The following ASIC2 variants were observed in gnomAD, a reference collection of about 807,000 sequenced individuals.
ASIC2 encodes the protein acid sensing ion channel subunit 2, also known as acid-sensing ion channel 2.
ASIC2 carries 25 observed loss-of-function variants against 57.3 expected under a neutral mutation model. The observed-to-expected ratio is 0.44, with a 90% CI of 0.32 to 0.61. The LOEUF is 0.61. Ranked by LOEUF, ASIC2 falls within the 20% of genes least tolerant of loss-of-function variation. ASIC2 has a pLI of 0.06. For synonymous variants in ASIC2, 319 were observed against 307.5 expected, an observed-to-expected ratio of 1.04 and a Z score of -0.39; for missense variants, 641 against 738.1, an observed-to-expected ratio of 0.87 and a Z score of 1.52.
At chr17:34,106,299 T>C (rs563453701) in intron 1 of ASIC2, among the ~76,000 whole-genome samples, 87 of 152,286 alleles carry the variant, frequency 5.7e-4, no homozygotes, top group African/African-American at 2.1e-3. Context: ...GTTATTGATA[T>C]TTCTCTTTTA....
rs117613013 is a variant in ASIC2 at position 33,586,827 on chromosome 17, C to T, written c.556-474760G>A. 3.6e-3 allele frequency among the ~76,000 whole-genome samples: 543 copies of T among 152,282 alleles called. 3 individuals are homozygous for T. The highest frequency in any genetic ancestry group is 6.2e-3 in the South Asian group (30 of 4,822). Reference sequence around the variant, plus strand: ...TGCTACTTACATCCAGCATTTACCACGATCTGCAATTATCTTCTTTATTTT... The same window carrying T: ...TGCTACTTACATCCAGCATTTACCATGATCTGCAATTATCTTCTTTATTTT... On this transcript the variant is annotated intron_variant, in intron 1 of 9. Coordinates refer to the ASIC2 transcript ENST00000359872.
At position 33,104,105 on chromosome 17, in the gene ASIC2, G is replaced by A. The variant is rs116233150; in HGVS notation, c.859+7812C>T. ...TAATCTGCCAAGTCGATTGCCACTC[G>A]TCCATCTACTTTACATCTTCCAAAA... On this transcript the variant is annotated intron_variant, in intron 2 of 9. Coordinates refer to ENST00000225823, the MANE Select transcript of ASIC2 (RefSeq NM_183377.2). 6.4e-3 allele frequency among the ~76,000 whole-genome samples: 972 copies of A among 152,096 alleles called. 13 individuals are homozygous for A. The highest frequency in any genetic ancestry group is 0.019 in the African/African-American group (790 of 41,458).
Position 33,146,931 on chromosome 17 carries a change from G to A in ASIC2, c.709-34864C>T, listed in dbSNP as rs141224947. On this transcript the variant is annotated intron_variant, in intron 1 of 9. Coordinates refer to ENST00000225823, the MANE Select transcript of ASIC2 (RefSeq NM_183377.2). ...CAAACCCAACCTGAGCCACTTTCCT[G>A]TGCTAATGTCAATCAACGGGTCAAA... Among the ~76,000 whole-genome samples the A allele has an allele frequency of 5.9e-5, 9 of 152,312 alleles. No homozygotes were observed. The East Asian group carries it at 1.7e-3, about 29-fold the overall frequency.
At chr17:33,161,963 A>G (rs536773501) in intron 1 of ASIC2, among the ~76,000 whole-genome samples, 4 of 149,736 alleles carry the variant, frequency 2.7e-5, no homozygotes, top group African/African-American at 9.8e-5. Flanking sequence ...AGCATAAGGT[A>G]AAGACACTAG....
rs1910902003 is a variant in ASIC2, at chr17:34,102,471, C to T, written c.555+53507G>A. On this transcript the variant is annotated intron_variant, in intron 1 of 9. Coordinates refer to the ASIC2 transcript ENST00000359872. Reference sequence around the variant, plus strand: ...CCTCCTTTGCTGAAACTCCTCTTCCCCTCCTGCCACCTCACACCCCAGAAA... The same window carrying T: ...CCTCCTTTGCTGAAACTCCTCTTCCTCTCCTGCCACCTCACACCCCAGAAA... 2.0e-5 allele frequency among the ~76,000 whole-genome samples: 3 copies of T among 152,284 alleles called. No individual in the cohort carries two copies. In the South Asian group the frequency reaches 6.2e-4, roughly 32 times the overall value.
At chr17:33,928,027 A>C (rs1354559315) in intron 1 of ASIC2, among the ~76,000 whole-genome samples, 1 of 152,208 alleles carries the variant, frequency 6.6e-6, no homozygotes, top group Non-Finnish European at 1.5e-5. Context: ...GAGTGACAGC[A>C]GGCAAACAGT....
chr17:34,133,995 C>T (rs962159652), intron 1 of ASIC2, among the ~76,000 whole-genome samples: 2 of 152,144 alleles, frequency 1.3e-5, no homozygotes, highest in Non-Finnish European at 2.9e-5. Flanking sequence ...AGTTCCAAGA[C>T]TGAAAAACCC....
At chr17:34,091,872 C>A (rs1910345219) in intron 1 of ASIC2, among the ~76,000 whole-genome samples, 1 of 152,164 alleles carries the variant, frequency 6.6e-6, no homozygotes, top group Non-Finnish European at 1.5e-5. Flanking sequence ...TTATTAGCTA[C>A]ATGACCTTGA....
chr17:33,993,722 AG>A (rs1222488508), intron 1 of ASIC2, among the ~76,000 whole-genome samples: 6 of 108,754 alleles, frequency 5.5e-5, no homozygotes, highest in African/African-American at 4.4e-4. Context: ...TGGAAGTGGG[AG>A]AGAACTGAAC....
At chr17:34,113,310 T>G (rs765156130) in intron 1 of ASIC2, among the ~76,000 whole-genome samples, 84 of 152,246 alleles carry the variant, frequency 5.5e-4, no homozygotes, top group Non-Finnish European at 8.7e-4. Context: ...CCTGTAATCC[T>G]AGAACTTTGG....
At chr17:33,356,871 C>T (rs904860704) in intron 1 of ASIC2, among the ~76,000 whole-genome samples, 2 of 152,076 alleles carry the variant, frequency 1.3e-5, no homozygotes, top group Admixed American at 1.3e-4. Context: ...ACTGCTGCTG[C>T]TGCATGAAGA....
chr17:33,637,196 G>A (rs1346700758), intron 1 of ASIC2, among the ~76,000 whole-genome samples: 1 of 152,064 alleles, frequency 6.6e-6, no homozygotes, highest in African/African-American at 2.4e-5. Context: ...ACTGCCTGAG[G>A]TAGCAAGGAG....
chr17:33,305,208 C>G (rs1434290724), intron 1 of ASIC2, among the ~76,000 whole-genome samples: 1 of 152,150 alleles, frequency 6.6e-6, no homozygotes, highest in Non-Finnish European at 1.5e-5. Flanking sequence ...AAGGAAGAAT[C>G]AGGCTCAGAG....
intron 1 of ASIC2, among the ~76,000 whole-genome samples, chr17:34,028,655 A>T (rs989207472): frequency 1.3e-5 from 2 of 152,218 alleles, no homozygotes; most frequent in Non-Finnish European, 2.9e-5. Flanking sequence ...CTGGAGTCAT[A>T]AAATATTGGA....
chr17:33,804,148 A>G (rs765567776), intron 1 of ASIC2, among the ~76,000 whole-genome samples: 15 of 152,202 alleles, frequency 9.9e-5, no homozygotes, highest in Admixed American at 5.9e-4. Context: ...CCTAAGATCT[A>G]AATAAACAAA....
At chr17:33,390,692 A>AG (rs1210041922) in intron 1 of ASIC2, among the ~76,000 whole-genome samples, 2 of 152,220 alleles carry the variant, frequency 1.3e-5, no homozygotes, top group African/African-American at 2.4e-5. Flanking sequence ...CTCTGCCGCT[A>AG]GGACCTCTCC....
chr17:33,384,072 A>C (rs921638145), intron 1 of ASIC2, among the ~76,000 whole-genome samples: 3 of 152,178 alleles, frequency 2.0e-5, no homozygotes, highest in Non-Finnish European at 4.4e-5. Flanking sequence ...GTCTGTCAGC[A>C]CCTGGAATGG....
chr17:34,121,137 G>A (rs148310108), intron 1 of ASIC2, among the ~76,000 whole-genome samples: 1 of 152,224 alleles, frequency 6.6e-6, no homozygotes, highest in East Asian at 1.9e-4. Context: ...ATAAGCCAAG[G>A]AACTCCAAGG....
intron 1 of ASIC2, among the ~76,000 whole-genome samples, chr17:33,601,912 G>A (rs774588162): frequency 3.3e-5 from 5 of 152,218 alleles, no homozygotes; most frequent in African/African-American, 7.2e-5. Context: ...ACCTACTAGA[G>A]ACCAGTTACC....
Sources: gnomAD v4.1 joint callset for allele counts (sites outside exome capture counted in the v4.1 genomes callset) on GRCh38, gnomAD v4.1.1 for gene constraint, MANE v1.5 for transcripts, NCBI Gene and HGNC (gene_info 2026-07-23, HGNC 2026-07-21) for gene names.